ETV5: variants seen among roughly 807,000 people sequenced by gnomAD.
The protein encoded by ETV5 is ETS translocation variant 5.
ETV5 carries 10 observed loss-of-function variants against 70.0 expected under a neutral mutation model. That is an observed-to-expected ratio of 0.14 (90% CI 0.09 to 0.24). The LOEUF (loss-of-function observed/expected upper bound fraction) is 0.24. Among genes scored for constraint, ETV5 ranks in the 10% least tolerant of loss-of-function variants. The pLI, the probability that ETV5 is intolerant of heterozygous loss-of-function variation, is 1.00. For missense variants in ETV5, 453 were observed against 651.2 expected (o/e 0.70, Z 3.31); for synonymous variants, 216 against 242.2 (o/e 0.89, Z 1.01).
chr3:186,077,157 G>A (rs6777779), intron 7 of ETV5, among the ~76,000 whole-genome samples: 2 of 151,972 alleles, frequency 1.3e-5, no homozygotes, highest in Non-Finnish European at 2.9e-5. Context: ...GTCACAGGGC[G>A]GTTAAAAGTT....
At chr3:186,080,931 T>G in intron 6 of ETV5, 115 bp downstream of exon 6, 1 of 1,266,226 alleles carries the variant, frequency 7.9e-7, no homozygotes, top group Non-Finnish European at 1.1e-6. Context: ...GAAAGAAGGA[T>G]ATGTTTTACC....
chr3:186,057,542 G>T lies in ETV5; in HGVS notation c.971-51C>A. 1 of 1,454,108 alleles carries T rather than the reference G, an allele frequency of 6.9e-7. No homozygotes were observed. The highest frequency in any genetic ancestry group is 9.7e-7 in the Non-Finnish European group (1 of 1,034,648). 90.1% of individuals were successfully genotyped at this position (1,454,108 alleles called of 1,614,324 possible). ...TACGTTGCTTAACAAATTCTGTGTT[G>T]TACTAAAACTATGGATTTAAGGACT... On this transcript the variant is annotated intron_variant, in intron 9 of 12. Coordinates refer to ENST00000306376, the MANE Select transcript of ETV5 (RefSeq NM_004454.3). This position sits in a 1 kb window ranked among gnomAD's most constrained non-coding sequence, Gnocchi z 4.9.
rs1004574826 is a variant in ETV5, at chr3:186,046,326, G to T, written c.*2313C>A. The T allele has an allele frequency of 2.9e-5, 6 of 209,642 alleles. No homozygotes were observed. Among genetic ancestry groups the T allele is most frequent in the African/African-American group, 1.4e-4 (6 of 43,900 alleles). The allele number at this position is 209,642 out of a possible 1,614,324, so 13.0% of individuals were successfully genotyped here. A position where few individuals can be genotyped will look rare whatever the true frequency, so the allele number is the denominator to read the frequency against. On this transcript the variant is annotated 3_prime_UTR_variant, in exon 13 of 13. Transcript: ENST00000306376. ...AGGCAGGTTCGGGTGCTTGGTAAAC[G>T]AAAAGCAAACTTCTTTATTGTACAC...
chr3:186,091,624 G>A (rs1714184772), intron 5 of ETV5, among the ~76,000 whole-genome samples: 1 of 152,226 alleles, frequency 6.6e-6, no homozygotes, highest in Non-Finnish European at 1.5e-5. Flanking sequence ...GTCAGCAGAA[G>A]AGAGGCTTCA....
chr3:186,102,727 A>G (rs986469923), intron 5 of ETV5, among the ~76,000 whole-genome samples: 7 of 151,708 alleles, frequency 4.6e-5, no homozygotes, highest in African/African-American at 1.7e-4. Flanking sequence ...ACCAACTCAT[A>G]AGGTTTCATT....
intron 9 of ETV5, among the ~76,000 whole-genome samples, chr3:186,063,414 TTAG>T (rs1189894197): frequency 6.6e-6 from 1 of 152,224 alleles, no homozygotes; most frequent in Non-Finnish European, 1.5e-5. Flanking sequence ...TTCACCCTAA[TTAG>T]TAGGTCAGCA....
intron 5 of ETV5, among the ~76,000 whole-genome samples, chr3:186,098,532 T>G (rs1389519142): frequency 6.6e-6 from 1 of 152,134 alleles, no homozygotes. Flanking sequence ...CCTGAAGAGT[T>G]CAGAATACCC....
intron 7 of ETV5, among the ~76,000 whole-genome samples, chr3:186,074,859 C>CAAAAAAAAAA (rs747453303): frequency 2.0e-3 from 154 of 75,724 alleles, no homozygotes; most frequent in Non-Finnish European, 2.9e-3. Flanking sequence ...ACTCTGTCTC[C>CAAAAAAAAAA]AAAAAAAAAA....
At chr3:186,085,753 G>C (rs910944924) in intron 5 of ETV5, among the ~76,000 whole-genome samples, 1 of 151,896 alleles carries the variant, frequency 6.6e-6, no homozygotes, top group African/African-American at 2.4e-5. Context: ...CAGGTGATCC[G>C]CCTGCCTCGG....
rs899576259 is a variant in ETV5 at position 186,048,336 on chromosome 3, G to A, written c.*303C>T. ...GTTTTGCGGGTACTAACCTGAACAA[G>A]ATATTGCTTTGCATGTATTGTCCAT... is the stretch of plus-strand genomic sequence containing the variant. On this transcript the variant is annotated 3_prime_UTR_variant, in exon 13 of 13. Coordinates refer to ENST00000306376, the MANE Select transcript of ETV5 (RefSeq NM_004454.3). 4.5e-6 allele frequency: 2 copies of A among 449,284 alleles called. No individual in the cohort carries two copies. Among genetic ancestry groups the A allele is most frequent in the African/African-American group, 3.9e-5 (2 of 51,496 alleles). 27.8% of individuals were successfully genotyped at this position (449,284 alleles called of 1,614,324 possible). A position where few individuals can be genotyped will look rare whatever the true frequency, so the allele number is the denominator to read the frequency against.
intron 5 of ETV5, among the ~76,000 whole-genome samples, chr3:186,092,960 T>A (rs746848502): frequency 1.3e-5 from 2 of 152,194 alleles, no homozygotes; most frequent in Non-Finnish European, 2.9e-5. Context: ...TGGCTGTATA[T>A]AGAACTGGTG....
chr3:186,081,288 G>T, intron 5 of ETV5, 113 bp from the exon 6 acceptor site: 1 of 1,105,532 alleles, frequency 9.0e-7, no homozygotes, highest in South Asian at 2.0e-5. Flanking sequence ...TGGAACTCAT[G>T]TCAAGTCACA....
At chr3:186,103,397 A>G (rs1714510168) in intron 5 of ETV5, among the ~76,000 whole-genome samples, 2 of 152,218 alleles carry the variant, frequency 1.3e-5, no homozygotes, top group Non-Finnish European at 2.9e-5. Flanking sequence ...GCTTCAGCAC[A>G]TGCAATCAAT....
In ETV5 at chr3:186,054,938, G is replaced by C. The variant is rs1713121173; in HGVS notation, c.1209+2137C>G. On this transcript the variant is annotated intron_variant, in intron 11 of 12. Transcript: ENST00000306376. The surrounding 1 kb of genome is among the most constrained non-coding windows in gnomAD (Gnocchi z 4.4). ...AGCTTGGGGACTTCAAGGTGGGGTG[G>C]AAAGCACCATTTCCTGAAGAAACAA... is the stretch of plus-strand genomic sequence containing the variant. Among the ~76,000 whole-genome samples, 2 of 152,220 alleles carry C rather than the reference G, an allele frequency of 1.3e-5. No homozygotes were observed. Among genetic ancestry groups the C allele is most frequent in the Admixed American group, 6.5e-5 (1 of 15,282 alleles).
chr3:186,061,727 C>T (rs1296537706), intron 9 of ETV5, among the ~76,000 whole-genome samples: 1 of 152,154 alleles, frequency 6.6e-6, no homozygotes, highest in Admixed American at 6.5e-5. Context: ...CCTCTCCAGG[C>T]CTTTCATATC....
intron 12 of ETV5, among the ~76,000 whole-genome samples, chr3:186,049,303 C>G (rs1467817557): frequency 6.6e-6 from 1 of 152,196 alleles, no homozygotes; most frequent in Non-Finnish European, 1.5e-5. Context: ...GAGAGCGAGC[C>G]TGCGCAGAAG....
Position 186,048,492 on chromosome 3 carries a change from G to T in ETV5, c.*147C>A. 1 of 706,888 alleles carries T rather than the reference G, an allele frequency of 1.4e-6. No individual in the cohort carries two copies. The highest frequency in any genetic ancestry group is 2.4e-6 in the Non-Finnish European group (1 of 418,386). The allele number at this position is 706,888 out of a possible 1,614,324, so 43.8% of individuals were successfully genotyped here. A position where few individuals can be genotyped will look rare whatever the true frequency, so the allele number is the denominator to read the frequency against. On this transcript the variant is annotated 3_prime_UTR_variant, in exon 13 of 13. Transcript: ENST00000306376. ...AGCCAATGTATCTGTCTTTAAGGGT[G>T]CCAATCCAGAGACAGCTTGGGTTCT... is the stretch of plus-strand genomic sequence containing the variant.
At chr3:186,049,084 C>T (rs975342412) in intron 12 of ETV5, among the ~76,000 whole-genome samples, 2 of 152,206 alleles carry the variant, frequency 1.3e-5, no homozygotes, top group Non-Finnish European at 2.9e-5. Context: ...CGAATTCACA[C>T]TAGATGGACT....
chr3:186,107,992 CA>C (rs1417023476), intron 1 of ETV5, among the ~76,000 whole-genome samples: 2 of 140,438 alleles, frequency 1.4e-5, no homozygotes, highest in East Asian at 4.5e-4. Flanking sequence ...GCTTCATTCA[CA>C]AAAAGGGAAG....
Sources: allele counts gnomAD v4.1 joint callset (sites outside exome capture counted in the v4.1 genomes callset), GRCh38; gene constraint gnomAD v4.1.1; non-coding constraint Gnocchi (gnomAD v3.1); transcripts MANE v1.5; gene names NCBI Gene and HGNC (gene_info 2026-07-23, HGNC 2026-07-21).